DIPK1A: variants seen among roughly 807,000 people sequenced by gnomAD.
DIPK1A encodes family with sequence similarity 69 member A.
In DIPK1A, 27 loss-of-function variants were observed where a neutral mutation model predicts 40.8. The ratio of observed to expected loss-of-function variants is 0.66; its 90% CI spans 0.49 to 0.91. The LOEUF (loss-of-function observed/expected upper bound fraction) is 0.91, where lower values mean the gene tolerates loss of function less well. Among genes scored for constraint, DIPK1A ranks in the 40% least tolerant of loss-of-function variants. The probability of loss-of-function intolerance (pLI) is 0.00; values close to 1 mark genes in which losing one functional copy is unlikely to be tolerated. For missense variants in DIPK1A, 412 were observed against 505.7 expected (o/e 0.81, Z 1.78); for synonymous variants, 166 against 171.3 (o/e 0.97, Z 0.24).
intron 1 of DIPK1A, among the ~76,000 whole-genome samples, chr1:92,917,342 A>C (rs1650091665): frequency 6.6e-6 from 1 of 152,114 alleles, no homozygotes; most frequent in African/African-American, 2.4e-5. Flanking sequence ...TGCTTTCCAA[A>C]TCATTATGAG....
intron 1 of DIPK1A, among the ~76,000 whole-genome samples, chr1:92,886,102 G>C (rs1297568837): frequency 6.6e-6 from 1 of 152,108 alleles, no homozygotes; most frequent in Non-Finnish European, 1.5e-5. Context: ...GGAGGCCAAG[G>C]TGGGTGGATT....
At chr1:92,950,098 T>C (rs536019457) in intron 1 of DIPK1A, among the ~76,000 whole-genome samples, 1 of 152,266 alleles carries the variant, frequency 6.6e-6, no homozygotes, top group East Asian at 1.9e-4. Context: ...GGTACACTAA[T>C]ACTGTGGAGT....
At chr1:92,859,682 G>A (rs569723142) in intron 2 of DIPK1A, among the ~76,000 whole-genome samples, 1 of 152,184 alleles carries the variant, frequency 6.6e-6, no homozygotes, top group East Asian at 1.9e-4. Context: ...TTGTTAATTA[G>A]GAAATCTGGC....
intron 2 of DIPK1A, among the ~76,000 whole-genome samples, chr1:92,866,195 G>C (rs561175839): frequency 1.3e-5 from 2 of 152,122 alleles, no homozygotes; most frequent in African/African-American, 4.8e-5. Context: ...TCCGTCTCCC[G>C]GGTTCAAGTG....
chr1:92,855,374 A>AAACC (rs1178734359), intron 2 of DIPK1A, among the ~76,000 whole-genome samples: 265 of 152,116 alleles, frequency 1.7e-3, no homozygotes, highest in African/African-American at 6.1e-3. Flanking sequence ...AGACTTAAAA[A>AAACC]AACCAACCAA....
At chr1:92,894,769 AG>A (rs1353347800) in intron 1 of DIPK1A, among the ~76,000 whole-genome samples, 6 of 152,262 alleles carry the variant, frequency 3.9e-5, no homozygotes, top group Non-Finnish European at 8.8e-5. Flanking sequence ...TGACTAATAA[AG>A]AAGAAAAGAG....
At chr1:92,840,649 C>CT (rs747509136), downstream of DIPK1A, 1,342 of 1,566,798 alleles carry the variant, frequency 8.6e-4, no homozygotes, top group Non-Finnish European at 1.0e-3. Flanking sequence ...GGTATGTCGT[C>CT]TTTTTTTTTG....
intron 1 of DIPK1A, among the ~76,000 whole-genome samples, chr1:92,912,877 G>T (rs948462477): frequency 6.6e-6 from 1 of 152,020 alleles, no homozygotes; most frequent in Admixed American, 6.6e-5. Context: ...GAGGAAGGAG[G>T]ATCACTTGAG....
chr1:92,919,461 C>T (rs1443769206), intron 1 of DIPK1A, among the ~76,000 whole-genome samples: 7 of 152,168 alleles, frequency 4.6e-5, no homozygotes, highest in African/African-American at 9.7e-5. Context: ...TTTCTTCTTT[C>T]GAAGTACCTT....
intron 1 of DIPK1A, 54 bp from the exon 2 acceptor site, chr1:92,876,484 A>G (rs1648133777): frequency 1.3e-6 from 2 of 1,590,530 alleles, no homozygotes; most frequent in Non-Finnish European, 1.7e-6. Context: ...ATCAGCATTC[A>G]ATGTCCTAGA....
At chr1:92,948,575 C>G (rs1651463031) in intron 1 of DIPK1A, among the ~76,000 whole-genome samples, 1 of 140,712 alleles carries the variant, frequency 7.1e-6, no homozygotes. Flanking sequence ...TGAGCCACCA[C>G]ACCCAGCTAA....
rs368442183 is a variant in DIPK1A, at chr1:92,953,743, A to G, written c.54+7633T>C. On this transcript the variant is annotated intron_variant, in intron 1 of 4. Coordinates refer to ENST00000370310, the MANE Select transcript of DIPK1A (RefSeq NM_001006605.5). The stretch of plus-strand genomic sequence containing the variant: ...TCACCAAGGGCCAGGGGCAGGAGGA[A>G]ATGAGGAGTCGTTCAATGGGTAGAG... 3.1e-4 allele frequency among the ~76,000 whole-genome samples: 47 copies of G among 152,324 alleles called. 1 individual carries two copies. The East Asian group carries it at 8.7e-3, about 28-fold the overall frequency.
intron 2 of DIPK1A, among the ~76,000 whole-genome samples, chr1:92,853,158 T>TA (rs1687875849): frequency 6.6e-6 from 1 of 151,668 alleles, no homozygotes; most frequent in African/African-American, 2.4e-5. Flanking sequence ...AATGTATAGA[T>TA]AAAAAAGACA....
In DIPK1A at chr1:92,844,206, T is replaced by C. The variant is rs1380231971; in HGVS notation, c.475-11A>G. 6.5e-7 allele frequency: 1 copy of C among 1,528,644 alleles called. No homozygotes were observed. The highest frequency in any genetic ancestry group is 2.0e-5 in the Admixed American group (1 of 49,620). 94.7% of individuals were successfully genotyped at this position (1,528,644 alleles called of 1,614,324 possible). ...GTCACCCAATTTTGCCTGTCAAGAA[T>C]TTGGCTAGTTACACAGAAGGAATGA... On this transcript the variant is annotated splice_polypyrimidine_tract_variant and intron_variant, in intron 4 of 4. Transcript: ENST00000370310.
At chr1:92,851,083 C>G in intron 2 of DIPK1A, 128 bp from the exon 3 acceptor site, 1 of 631,806 alleles carries the variant, frequency 1.6e-6, no homozygotes, top group Non-Finnish European at 2.8e-6. Flanking sequence ...CTTAGACAGA[C>G]CTGGATTTGA....
intron 1 of DIPK1A, among the ~76,000 whole-genome samples, chr1:92,885,645 C>T (rs992250645): frequency 4.6e-5 from 7 of 152,102 alleles, no homozygotes; most frequent in Non-Finnish European, 8.8e-5. Context: ...CATGAGCTAC[C>T]GTGCCCAGTC....
At chr1:92,837,763 CT>C, downstream of DIPK1A, 1 of 754,666 alleles carries the variant, frequency 1.3e-6, no homozygotes, top group Non-Finnish European at 2.3e-6. Context: ...TGTCAACATT[CT>C]TTTAGTAATC....
At chr1:92,876,831 T>C in intron 1 of DIPK1A, 1 of 266,508 alleles carries the variant, frequency 3.8e-6, no homozygotes, top group Non-Finnish European at 5.8e-6. Flanking sequence ...TTTAGGAAAA[T>C]CATGATAAAA....
intron 1 of DIPK1A, among the ~76,000 whole-genome samples, chr1:92,958,580 C>A (rs1033291142): frequency 5.3e-5 from 8 of 152,164 alleles, no homozygotes; most frequent in Non-Finnish European, 1.2e-4. Flanking sequence ...ATCTCTTATA[C>A]CTGCTGAATA....
Sources: allele counts gnomAD v4.1 joint callset (sites outside exome capture counted in the v4.1 genomes callset), GRCh38; gene constraint gnomAD v4.1.1; transcripts MANE v1.5; gene names NCBI Gene and HGNC (gene_info 2026-07-23, HGNC 2026-07-21).